PDE11A: variants seen among roughly 807,000 people sequenced by gnomAD.
The protein encoded by PDE11A is phosphodiesterase 11A, also known as dual 3',5'-cyclic-AMP and -GMP phosphodiesterase 11A.
A neutral mutation model predicts 100.5 loss-of-function variants in PDE11A; 100 were observed. The ratio of observed to expected loss-of-function variants is 1.00; its 90% confidence interval spans 0.85 to 1.18. PDE11A has a LOEUF of 1.18. Ranked by LOEUF, PDE11A falls within the 50% of genes most tolerant of loss-of-function variation. PDE11A has a pLI of 0.00. For synonymous variants in PDE11A, 381 were observed against 420.8 expected, an observed-to-expected ratio of 0.91 and a Z score of 1.16; for missense variants, 1,141 against 1,152.6, an observed-to-expected ratio of 0.99 and a Z score of 0.15.
intron 5 of PDE11A, among the ~76,000 whole-genome samples, chr2:177,864,406 G>T (rs961899920): frequency 6.6e-6 from 1 of 152,074 alleles, no homozygotes; most frequent in African/African-American, 2.4e-5. Context: ...ATGTTAATTT[G>T]CTTCACTAAA....
At chr2:178,068,318 T>G (rs1482608161) in intron 1 of PDE11A, among the ~76,000 whole-genome samples, 1 of 151,856 alleles carries the variant, frequency 6.6e-6, no homozygotes, top group Non-Finnish European at 1.5e-5. Flanking sequence ...TGCAAAATAA[T>G]GAAATAAACT....
At chr2:177,761,291 G>A (rs1432641056) in intron 10 of PDE11A, among the ~76,000 whole-genome samples, 1 of 152,126 alleles carries the variant, frequency 6.6e-6, no homozygotes, top group African/African-American at 2.4e-5. Flanking sequence ...TAAAAACAAG[G>A]GGTTTCAAAC....
intron 2 of PDE11A, among the ~76,000 whole-genome samples, chr2:177,920,333 G>GA (rs760314285): frequency 4.3e-4 from 64 of 148,308 alleles, no homozygotes; most frequent in East Asian, 7.8e-4. Context: ...GAAAAAATCA[G>GA]AAAAAAAAAT....
At chr2:177,817,641 A>T (rs2083063319) in intron 8 of PDE11A, among the ~76,000 whole-genome samples, 1 of 152,216 alleles carries the variant, frequency 6.6e-6, no homozygotes, top group Non-Finnish European at 1.5e-5. Flanking sequence ...TAAAATTAAG[A>T]TAAAAATAAT....
At position 178,071,748 on chromosome 2, in the gene PDE11A, GCAGA is replaced by G. The variant is rs1559062436; in HGVS notation, c.686_689del (p.Val229AlafsTer86). 1 of 1,614,002 alleles carries G rather than the reference GCAGA, an allele frequency of 6.2e-7. No homozygotes were observed. The highest frequency in any genetic ancestry group is 8.5e-7 in the Non-Finnish European group (1 of 1,179,876). On this transcript the variant is annotated frameshift_variant, in exon 1 of 20. Coordinates refer to ENST00000286063, the MANE Select transcript of PDE11A (RefSeq NM_016953.4). LOFTEE classifies it high-confidence loss of function. Reference sequence around the variant, plus strand: ...AGCAGCGGTCAGCATCCACCATAAGGCAGACAAAGATGAGAATCTTGTAGCTCAG... The same window carrying G: ...AGCAGCGGTCAGCATCCACCATAAGGCAAAGATGAGAATCTTGTAGCTCAG...
rs756488944 is a variant in PDE11A at position 178,072,431 on chromosome 2, C to T, written c.7G>A (p.Ala3Thr). Residue 3 changes from alanine (A) to threonine (T), a missense_variant, in exon 1 of 20, where the codon GCC (alanine) becomes ACC (threonine). By Grantham distance (58) the Ala-to-Thr change is moderately conservative (BLOSUM62 0). Transcript: ENST00000286063. ...ACCTCCCCAAAGTCCAGGCGGGAGG[C>T]TGCCATGGTCCCAGACAGCTTTCCT... MA[A>T]SRLDFGEVET... The T allele has an allele frequency of 1.2e-6, 2 of 1,613,314 alleles. No homozygotes were observed. The highest frequency in any genetic ancestry group is 1.7e-6 in the Non-Finnish European group (2 of 1,180,046).
intron 2 of PDE11A, among the ~76,000 whole-genome samples, chr2:177,961,639 C>T (rs2085634783): frequency 6.6e-6 from 1 of 151,880 alleles, no homozygotes; most frequent in Non-Finnish European, 1.5e-5. Flanking sequence ...ATGTTTTGGT[C>T]TTTATTATTT....
chr2:177,871,159 C>CTA (rs1277881669), intron 5 of PDE11A, among the ~76,000 whole-genome samples: 3 of 152,104 alleles, frequency 2.0e-5, no homozygotes, highest in Non-Finnish European at 4.4e-5. Flanking sequence ...ATCCCTTTCC[C>CTA]TATATGCACT....
intron 2 of PDE11A, among the ~76,000 whole-genome samples, chr2:177,922,401 C>T (rs2105755287): frequency 6.6e-6 from 1 of 152,120 alleles, no homozygotes; most frequent in South Asian, 2.1e-4. Flanking sequence ...CAAACCTGCA[C>T]ATTGTGTACA....
upstream of PDE11A, among the ~76,000 whole-genome samples, chr2:178,076,863 T>C (rs192625034): frequency 1.3e-5 from 2 of 152,334 alleles, no homozygotes; most frequent in East Asian, 1.9e-4. Flanking sequence ...GTAAGGCCTC[T>C]CATACATATC....
intron 5 of PDE11A, among the ~76,000 whole-genome samples, chr2:177,864,542 C>A (rs1337221092): frequency 6.6e-6 from 1 of 151,684 alleles, no homozygotes; most frequent in African/African-American, 2.4e-5. Context: ...AATGATGGTC[C>A]AAATATAGAA....
At chr2:177,705,086 C>T (rs568938453) in intron 13 of PDE11A, among the ~76,000 whole-genome samples, 15 of 152,232 alleles carry the variant, frequency 9.9e-5, no homozygotes, top group South Asian at 4.1e-4. Context: ...GTGATCTGCC[C>T]GCCTCGGCCT....
chr2:177,768,345 T>C (rs186968872), intron 10 of PDE11A, among the ~76,000 whole-genome samples: 1 of 152,308 alleles, frequency 6.6e-6, no homozygotes, highest in East Asian at 1.9e-4. Context: ...GATTCAATTC[T>C]TAGGCCCAAT....
intron 6 of PDE11A, among the ~76,000 whole-genome samples, chr2:177,837,504 C>T (rs550964453): frequency 2.0e-5 from 3 of 149,324 alleles, no homozygotes; most frequent in South Asian, 4.2e-4. Context: ...GATGGAGTCT[C>T]GCTCTGTCGC....
At chr2:177,845,030 G>A (rs1462732340) in intron 5 of PDE11A, among the ~76,000 whole-genome samples, 1 of 151,622 alleles carries the variant, frequency 6.6e-6, no homozygotes, top group Non-Finnish European at 1.5e-5. Context: ...TGTCATCCTG[G>A]CCCGTTCTCA....
chr2:177,985,640 G>A (rs906294010), intron 2 of PDE11A, among the ~76,000 whole-genome samples: 1 of 152,308 alleles, frequency 6.6e-6, no homozygotes, highest in Admixed American at 6.5e-5. Context: ...TCAACGTTAA[G>A]AAACACTATT....
chr2:177,885,122 G>A (rs6717171), intron 4 of PDE11A, among the ~76,000 whole-genome samples: 1,690 of 151,758 alleles, frequency 0.011, 31 homozygotes, highest in African/African-American at 0.039. Context: ...GATGTGAGTT[G>A]ATTTACTATA....
intron 5 of PDE11A, among the ~76,000 whole-genome samples, chr2:177,843,444 C>G (rs1011749093): frequency 1.3e-5 from 2 of 152,120 alleles, no homozygotes; most frequent in Admixed American, 1.3e-4. Flanking sequence ...AGACTTTAGT[C>G]ACAGGAACAG....
chr2:177,740,752 AACTT>A (rs1224000232), intron 10 of PDE11A, among the ~76,000 whole-genome samples: 1 of 152,230 alleles, frequency 6.6e-6, no homozygotes, highest in Non-Finnish European at 1.5e-5. Context: ...AGCTTTAAAA[AACTT>A]ATTTATTTTT....
Sources: allele counts gnomAD v4.1 joint callset (sites outside exome capture counted in the v4.1 genomes callset), GRCh38; gene constraint gnomAD v4.1.1; transcripts MANE v1.5; gene names NCBI Gene and HGNC (gene_info 2026-07-23, HGNC 2026-07-21).